Variants in OCA2 observed in about 807,000 individuals in gnomAD.
OCA2 encodes the protein P protein.
In OCA2, 77 loss-of-function variants were observed where a neutral mutation model predicts 100.2. The observed-to-expected ratio is 0.77, with a 90% CI of 0.64 to 0.93. The LOEUF is 0.93. OCA2 is among the 40% of genes least tolerant of loss of function. The pLI is 0.00. For missense variants in OCA2, 1,062 were observed against 1,089.1 expected (o/e 0.98, Z 0.35); for synonymous variants, 432 against 439.2 (o/e 0.98, Z 0.21).
At chr15:27,805,189 G>C (rs1010391364) in intron 23 of OCA2, among the ~76,000 whole-genome samples, 1 of 152,254 alleles carries the variant, frequency 6.6e-6, no homozygotes, top group Non-Finnish European at 1.5e-5. Context: ...CGCAGGAGCT[G>C]CGTCCACGCT....
chr15:27,885,590 G>C (rs1567061120), intron 19 of OCA2, among the ~76,000 whole-genome samples: 1 of 152,212 alleles, frequency 6.6e-6, no homozygotes, highest in Admixed American at 6.5e-5. Context: ...GTGAATCCAT[G>C]TGAGAACCAC....
intron 23 of OCA2, among the ~76,000 whole-genome samples, chr15:27,826,965 T>C (rs1415011515): frequency 6.6e-6 from 1 of 152,256 alleles, no homozygotes; most frequent in African/African-American, 2.4e-5. Context: ...ACTGGGCAGC[T>C]TCCTGCCCTC....
intron 2 of OCA2, among the ~76,000 whole-genome samples, chr15:28,057,524 AAC>A (rs1278637599): frequency 6.6e-6 from 1 of 152,142 alleles, no homozygotes; most frequent in African/African-American, 2.4e-5. Flanking sequence ...TCAGCTCTGT[AAC>A]AGACAGGGCC....
At chr15:27,873,941 G>T (rs1182909652) in intron 19 of OCA2, among the ~76,000 whole-genome samples, 1 of 152,168 alleles carries the variant, frequency 6.6e-6, no homozygotes, top group Admixed American at 6.5e-5. Flanking sequence ...CATATTACTT[G>T]TCTCCTTCAT....
chr15:27,858,715 T>G (rs2036028913), intron 21 of OCA2, among the ~76,000 whole-genome samples: 1 of 152,040 alleles, frequency 6.6e-6, no homozygotes, highest in Non-Finnish European at 1.5e-5. Flanking sequence ...AAACAAAAAT[T>G]GGCATAATTG....
chr15:28,030,526 T>C (rs2042879468), intron 3 of OCA2, among the ~76,000 whole-genome samples: 1 of 152,008 alleles, frequency 6.6e-6, no homozygotes, highest in Admixed American at 6.6e-5. Context: ...CACTGAGAAA[T>C]GATAAACCCA....
At chr15:27,868,100 A>C (rs913791279) in intron 21 of OCA2, among the ~76,000 whole-genome samples, 2 of 152,230 alleles carry the variant, frequency 1.3e-5, no homozygotes, top group Admixed American at 6.5e-5. Flanking sequence ...CGCAGTGTGC[A>C]GAAGCTGACA....
intron 23 of OCA2, among the ~76,000 whole-genome samples, chr15:27,809,526 C>G (rs2033991735): frequency 6.6e-6 from 1 of 152,162 alleles, no homozygotes; most frequent in Non-Finnish European, 1.5e-5. Context: ...CCAGAGCAAT[C>G]AGGCAAGAGA....
chr15:27,893,239 TCTTTA>T (rs1329014874), intron 19 of OCA2, among the ~76,000 whole-genome samples: 9 of 152,344 alleles, frequency 5.9e-5, no homozygotes, highest in Admixed American at 1.3e-4. Flanking sequence ...CTTATGCCTG[TCTTTA>T]CTTTAATCTC....
chr15:28,016,258 G>T, intron 7 of OCA2, 72 bp from the exon 8 acceptor site: 2 of 1,145,436 alleles, frequency 1.7e-6, no homozygotes, highest in South Asian at 2.4e-5. Context: ...GGCACTGCTC[G>T]GTCTAGGTAT....
chr15:27,728,779 C>G, the OCA2 span, among the ~76,000 whole-genome samples: 1 of 152,290 alleles, frequency 6.6e-6, no homozygotes, highest in Non-Finnish European at 1.5e-5. Flanking sequence ...TTTTGTGTGA[C>G]AGAATACTCT....
chr15:27,742,705 CT>C, the OCA2 span, among the ~76,000 whole-genome samples: 76 of 152,304 alleles, frequency 5.0e-4, no homozygotes, highest in African/African-American at 1.6e-3. Context: ...GGCTTTGTCA[CT>C]AAAAGAATCC....
At chr15:27,882,002 G>A (rs2037038391) in intron 19 of OCA2, among the ~76,000 whole-genome samples, 1 of 152,122 alleles carries the variant, frequency 6.6e-6, no homozygotes, top group Non-Finnish European at 1.5e-5. Flanking sequence ...TCTGATGTGG[G>A]CATTTGGTGC....
intron 14 of OCA2, among the ~76,000 whole-genome samples, chr15:27,980,102 A>G (rs2041107481): frequency 6.6e-6 from 1 of 151,754 alleles, no homozygotes; most frequent in Admixed American, 6.6e-5. Flanking sequence ...GTTTTCTTTA[A>G]ACAATTATCT....
intron 23 of OCA2, among the ~76,000 whole-genome samples, chr15:27,842,628 C>A (rs114295043): frequency 6.6e-6 from 1 of 152,188 alleles, no homozygotes; most frequent in Non-Finnish European, 1.5e-5. Context: ...GCTGGAAGAA[C>A]TGGAACCAGG....
chr15:27,985,162 CA>C lies in OCA2; in HGVS notation c.1265del (p.Val422GlyfsTer4). The C allele has an allele frequency of 6.2e-7, 1 of 1,613,892 alleles. No homozygotes were observed. Among genetic ancestry groups the C allele is most frequent in the Admixed American group, 1.7e-5 (1 of 60,026 alleles). On this transcript the variant is annotated frameshift_variant, in exon 13 of 24. Coordinates refer to ENST00000354638, the MANE Select transcript of OCA2 (RefSeq NM_000275.3). LOFTEE classifies it high-confidence loss of function. ...VKAYRLSRGRVWAMIIMLCLI... is the reference protein window; with the variant it reads ...VKAYRLSRGRXWAMIIMLCLI... ...GACAGAGCATGATGATCATGGCCCA[CA>C]CCCGTCCCCGGGAGAGCCGGTATGC... is the stretch of plus-strand genomic sequence containing the variant.
intron 23 of OCA2, among the ~76,000 whole-genome samples, chr15:27,770,895 TCC>T (rs2031746536): frequency 4.2e-5 from 5 of 119,224 alleles, no homozygotes; most frequent in African/African-American, 1.8e-4. Flanking sequence ...CCTTCCCATC[TCC>T]TTTTCCTTCC....
chr15:27,810,876 T>C (rs1029219837), intron 23 of OCA2, among the ~76,000 whole-genome samples: 1 of 152,146 alleles, frequency 6.6e-6, no homozygotes, highest in Non-Finnish European at 1.5e-5. Context: ...AAACAATAGA[T>C]GTTGATGTGG....
intron 2 of OCA2, among the ~76,000 whole-genome samples, chr15:28,036,455 A>G (rs1297653632): frequency 6.6e-6 from 1 of 152,110 alleles, no homozygotes; most frequent in Non-Finnish European, 1.5e-5. Flanking sequence ...AAAATCCTCA[A>G]ACAGTAAGTT....
Sources: gnomAD v4.1 joint callset for allele counts (sites outside exome capture counted in the v4.1 genomes callset) on GRCh38, gnomAD v4.1.1 for gene constraint, MANE v1.5 for transcripts, NCBI Gene and HGNC (gene_info 2026-07-23, HGNC 2026-07-21) for gene names.